The following TEAD1 variants were observed in gnomAD, a reference collection of about 807,000 sequenced individuals.
TEAD1 encodes transcriptional enhancer factor TEF-1.
A neutral mutation model predicts 54.9 loss-of-function variants in TEAD1; 9 were observed. That is an observed-to-expected ratio of 0.16 (90% CI 0.10 to 0.29). The LOEUF is 0.29. Ranked by LOEUF, TEAD1 falls within the 10% of genes least tolerant of loss-of-function variation. TEAD1 has a pLI of 1.00. For missense variants in TEAD1, 387 were observed against 535.9 expected (o/e 0.72, Z 2.74); for synonymous variants, 200 against 187.8 (o/e 1.07, Z -0.53).
chr11:12,848,057 T>C (rs1280647447), intron 3 of TEAD1, among the ~76,000 whole-genome samples: 3 of 152,158 alleles, frequency 2.0e-5, no homozygotes, highest in Non-Finnish European at 4.4e-5. Flanking sequence ...ATGGCAACCC[T>C]AGGAGGAAAC....
In TEAD1 at chr11:12,914,945, G is replaced by T. The variant is rs1948683958; in HGVS notation, c.874-9967G>T. On this transcript the variant is annotated intron_variant, in intron 10 of 12. Coordinates refer to ENST00000527636, the MANE Select transcript of TEAD1 (RefSeq NM_021961.6). ...AATTGCTTCACAATTTGAAATCTTG[G>T]TTCTTTGATCATTGCTCGGAGAGGA... Among the ~76,000 whole-genome samples, 2 of 152,252 alleles carry T rather than the reference G, an allele frequency of 1.3e-5. 1 individual carries two copies. The highest frequency in any genetic ancestry group is 1.3e-4 in the Admixed American group (2 of 15,290).
intron 9 of TEAD1, among the ~76,000 whole-genome samples, chr11:12,900,708 A>G (rs1451363888): frequency 2.6e-5 from 4 of 152,150 alleles, no homozygotes; most frequent in Non-Finnish European, 4.4e-5. Context: ...ACCCATGTAT[A>G]ATACTCAGCT....
chr11:12,842,854 A>G (rs1230079901), intron 3 of TEAD1, among the ~76,000 whole-genome samples: 1 of 152,198 alleles, frequency 6.6e-6, no homozygotes, highest in Non-Finnish European at 1.5e-5. Flanking sequence ...ATAAGCATCA[A>G]AGCCTTTTCT....
chr11:12,833,592 C>T (rs568282847), intron 3 of TEAD1, among the ~76,000 whole-genome samples: 3 of 151,820 alleles, frequency 2.0e-5, no homozygotes, highest in South Asian at 2.1e-4. Context: ...AGAGCCAGAA[C>T]GTTAGTTACA....
At chr11:12,777,658 A>G (rs547194774) in intron 3 of TEAD1, among the ~76,000 whole-genome samples, 15 of 152,328 alleles carry the variant, frequency 9.8e-5, no homozygotes, top group African/African-American at 3.6e-4. Flanking sequence ...ATCGGATTGC[A>G]TGTTTATTCA....
chr11:12,935,260 T>C (rs1482313548), intron 12 of TEAD1, among the ~76,000 whole-genome samples: 1 of 152,076 alleles, frequency 6.6e-6, no homozygotes, highest in African/African-American at 2.4e-5. Flanking sequence ...CTCTGCGTGG[T>C]GAATATGCAA....
At chr11:12,750,645 G>A (rs1246847064) in intron 2 of TEAD1, among the ~76,000 whole-genome samples, 1 of 152,136 alleles carries the variant, frequency 6.6e-6, no homozygotes, top group African/African-American at 2.4e-5. Context: ...GTATGAAACA[G>A]TCCACCTTTC....
Position 12,858,157 on chromosome 11 carries a change from T to C in TEAD1, c.203-4093T>C, listed in dbSNP as rs191103017. On this transcript the variant is annotated intron_variant, in intron 3 of 12. Transcript: ENST00000527636. Reference sequence around the variant, plus strand: ...ACTTAGGATGTCGTATCAGGGCCGCTGACAAGACTCTCCTCAGAACCTAGT... The same window carrying C: ...ACTTAGGATGTCGTATCAGGGCCGCCGACAAGACTCTCCTCAGAACCTAGT... Among the ~76,000 whole-genome samples, 458 of 152,286 alleles carry C rather than the reference T, an allele frequency of 3.0e-3. 2 individuals carry two copies. Among genetic ancestry groups the C allele is most frequent in the Non-Finnish European group, 4.1e-3 (280 of 68,030 alleles).
intron 12 of TEAD1, among the ~76,000 whole-genome samples, chr11:12,931,454 C>T (rs1359303499): frequency 1.3e-5 from 2 of 152,196 alleles, no homozygotes; most frequent in Admixed American, 6.5e-5. Context: ...CTCTGAAAGC[C>T]TACTTTATTC....
chr11:12,902,107 A>G lies in TEAD1; in HGVS notation c.867A>G (p.Lys289=), dbSNP rs750445593. ...CTCAAAATGCCTTCTTCCTCGTAAA[A>G]TTCTGGGTGAGTAAGACATTGCTGT... is the stretch of plus-strand genomic sequence containing the variant. Residue 289 remains lysine (K), a synonymous_variant, in exon 10 of 13, where the codon AAA becomes AAG. Transcript: ENST00000527636. 1.9e-6 allele frequency: 3 copies of G among 1,614,236 alleles called. No homozygotes were observed. The East Asian group carries it at 6.7e-5, about 36-fold the overall frequency.
At chr11:12,762,423 G>A (rs1486671748) in intron 2 of TEAD1, among the ~76,000 whole-genome samples, 1 of 152,280 alleles carries the variant, frequency 6.6e-6, no homozygotes, top group Non-Finnish European at 1.5e-5. Flanking sequence ...GGCCCACACC[G>A]CAGGCATAGT....
intron 2 of TEAD1, among the ~76,000 whole-genome samples, chr11:12,698,049 A>G (rs954626834): frequency 1.3e-5 from 2 of 151,500 alleles, no homozygotes; most frequent in Non-Finnish European, 2.9e-5. Flanking sequence ...GGGCCCTCAG[A>G]ACAGGGACCA....
intron 9 of TEAD1, among the ~76,000 whole-genome samples, chr11:12,885,898 G>A (rs1032573166): frequency 4.6e-5 from 7 of 152,182 alleles, no homozygotes; most frequent in Non-Finnish European, 8.8e-5. Context: ...ACAGGAGAGG[G>A]GCTCATCGCT....
chr11:12,777,142 CT>C (rs1945441934), intron 3 of TEAD1, among the ~76,000 whole-genome samples: 1 of 152,062 alleles, frequency 6.6e-6, no homozygotes, highest in Non-Finnish European at 1.5e-5. Context: ...TCCTCTCCCT[CT>C]TAGCCTTTTA....
At chr11:12,687,721 G>T (rs1943362947) in intron 2 of TEAD1, among the ~76,000 whole-genome samples, 1 of 152,128 alleles carries the variant, frequency 6.6e-6, no homozygotes, top group South Asian at 2.1e-4. Flanking sequence ...ATATGGCTAA[G>T]GTCTTGAAAA....
At chr11:12,809,387 G>A (rs1234404077) in intron 3 of TEAD1, among the ~76,000 whole-genome samples, 1 of 152,204 alleles carries the variant, frequency 6.6e-6, no homozygotes, top group Non-Finnish European at 1.5e-5. Flanking sequence ...TGTCCCCATT[G>A]ACAGGGAGCA....
chr11:12,698,022 C>CAAAAAAAAAAAAA (rs1409217799), intron 2 of TEAD1, among the ~76,000 whole-genome samples: 1 of 61,200 alleles, frequency 1.6e-5, no homozygotes, highest in Non-Finnish European at 3.3e-5. Context: ...AACTCCGTCT[C>CAAAAAAAAAAAAA]AAAAAAAAAA....
chr11:12,843,028 C>T (rs1194088968), intron 3 of TEAD1, among the ~76,000 whole-genome samples: 1 of 151,986 alleles, frequency 6.6e-6, no homozygotes, highest in East Asian at 1.9e-4. Context: ...TTGGAAGTTG[C>T]TTCCAGGAAA....
chr11:12,861,936 A>G (rs1217529946), intron 3 of TEAD1, among the ~76,000 whole-genome samples: 2 of 151,650 alleles, frequency 1.3e-5, no homozygotes, highest in Non-Finnish European at 2.9e-5. Context: ...CCATGAGCCA[A>G]GATCGTGCCA....
Sources: allele counts gnomAD v4.1 joint callset (sites outside exome capture counted in the v4.1 genomes callset), GRCh38; gene constraint gnomAD v4.1.1; transcripts MANE v1.5; gene names NCBI Gene and HGNC (gene_info 2026-07-23, HGNC 2026-07-21).